The following UBTD2 variants were observed in gnomAD, a reference collection of about 807,000 sequenced individuals.
The protein encoded by UBTD2 is ubiquitin domain containing 2, also known as ubiquitin domain-containing protein 2.
A neutral mutation model predicts 19.8 loss-of-function variants in UBTD2; 9 were observed. The observed-to-expected ratio is 0.46, with a 90% CI of 0.27 to 0.79. The LOEUF is 0.79. UBTD2 is among the 30% of genes least tolerant of loss of function. The pLI is 0.14. For missense variants in UBTD2, 250 were observed against 300.4 expected, an observed-to-expected ratio of 0.83 and a Z score of 1.24; for synonymous variants, 98 against 103.9, an observed-to-expected ratio of 0.94 and a Z score of 0.35.
chr5:172,229,900 A>T (rs189897642), intron 2 of UBTD2, among the ~76,000 whole-genome samples: 86 of 152,322 alleles, frequency 5.6e-4, no homozygotes, highest in Admixed American at 1.4e-3. Flanking sequence ...TTTCACTGGT[A>T]AACTACTATA....
At chr5:172,221,510 TA>T (rs1771650168) in intron 2 of UBTD2, among the ~76,000 whole-genome samples, 2 of 151,958 alleles carry the variant, frequency 1.3e-5, no homozygotes, top group South Asian at 4.1e-4. Context: ...TATAAATAAA[TA>T]ATAAAATAAA....
At position 172,283,476 on chromosome 5, in the gene UBTD2, G is replaced by C; in HGVS notation, c.70+120C>G. ...CCGGAAGCGGAGCGCGGGGAATGAC[G>C]TGGAAGAGGGGATGACAAAGGGGCG... On this transcript the variant is annotated intron_variant, in intron 1 of 2. Transcript: ENST00000393792. This position sits in a 1 kb window ranked among gnomAD's most constrained non-coding sequence, Gnocchi z 4.3. The C allele has an allele frequency of 1.4e-6, 1 of 737,468 alleles. No individual in the cohort carries two copies. The highest frequency in any genetic ancestry group is 1.8e-6 in the Non-Finnish European group (1 of 544,602). 45.7% of individuals were successfully genotyped at this position (737,468 alleles called of 1,614,324 possible).
At chr5:172,222,613 T>C (rs555387706) in intron 2 of UBTD2, among the ~76,000 whole-genome samples, 37 of 152,164 alleles carry the variant, frequency 2.4e-4, no homozygotes, top group Non-Finnish European at 5.0e-4. Context: ...CATGGAGGAA[T>C]TCTGTAGAAA....
At chr5:172,222,698 AAATAAG>A (rs1306271607) in intron 2 of UBTD2, among the ~76,000 whole-genome samples, 2 of 152,212 alleles carry the variant, frequency 1.3e-5, no homozygotes, top group Non-Finnish European at 2.9e-5. Context: ...AATGATACGG[AAATAAG>A]AATAATTACA....
rs185320275 is a variant in UBTD2 at position 172,271,170 on chromosome 5, C to A, written c.70+12426G>T. ...CTTGGGCTGGGCGCAGTGGCTCACACCTATAATCCCAGCATTTTTGGAGGC... is the reference window on the plus strand; with the variant it reads ...CTTGGGCTGGGCGCAGTGGCTCACAACTATAATCCCAGCATTTTTGGAGGC... On this transcript the variant is annotated intron_variant, in intron 1 of 2. Coordinates refer to ENST00000393792, the MANE Select transcript of UBTD2 (RefSeq NM_152277.3). Among the ~76,000 whole-genome samples the A allele has an allele frequency of 5.4e-3, 824 of 152,190 alleles. 3 individuals carry two copies. The highest frequency in any genetic ancestry group is 6.8e-3 in the Middle Eastern group (2 of 294).
intron 2 of UBTD2, among the ~76,000 whole-genome samples, chr5:172,228,754 AAAC>A (rs1771829718): frequency 6.6e-6 from 1 of 151,994 alleles, no homozygotes; most frequent in Non-Finnish European, 1.5e-5. Context: ...AAATAAATAA[AAAC>A]AACATGAGTT....
intron 1 of UBTD2, among the ~76,000 whole-genome samples, chr5:172,271,377 C>T (rs1380425527): frequency 2.0e-5 from 3 of 149,450 alleles, no homozygotes; most frequent in Admixed American, 6.8e-5. Context: ...TGCCGTGAGC[C>T]GAGATCGCAC....
At chr5:172,218,828 A>T (rs1341408113) in intron 2 of UBTD2, among the ~76,000 whole-genome samples, 16 of 150,628 alleles carry the variant, frequency 1.1e-4, no homozygotes, top group South Asian at 2.1e-4. Flanking sequence ...AAAAATAAAA[A>T]AAATTCAACA....
intron 2 of UBTD2, among the ~76,000 whole-genome samples, chr5:172,228,697 G>A (rs1056350234): frequency 6.6e-6 from 1 of 151,804 alleles, no homozygotes; most frequent in Admixed American, 6.6e-5. Flanking sequence ...CTCCAGCCTG[G>A]GTGACAGAGC....
At chr5:172,281,433 A>C (rs1159615242) in intron 1 of UBTD2, among the ~76,000 whole-genome samples, 1 of 152,164 alleles carries the variant, frequency 6.6e-6, no homozygotes, top group African/African-American at 2.4e-5. Flanking sequence ...TGGGAGGTCA[A>C]GGCTGCAGTG....
At chr5:172,280,509 CAA>C (rs376156166) in intron 1 of UBTD2, among the ~76,000 whole-genome samples, 2 of 95,008 alleles carry the variant, frequency 2.1e-5, no homozygotes. Context: ...GACTCCATCT[CAA>C]AAAAAAAAAA....
At chr5:172,228,297 A>T (rs561672844) in intron 2 of UBTD2, among the ~76,000 whole-genome samples, 4 of 152,320 alleles carry the variant, frequency 2.6e-5, no homozygotes, top group Non-Finnish European at 5.9e-5. Flanking sequence ...CCAAGACTTG[A>T]GTTCAAATCC....
intron 1 of UBTD2, chr5:172,254,538 G>T: frequency 1.7e-6 from 1 of 597,842 alleles, no homozygotes; most frequent in Non-Finnish European, 3.0e-6. Flanking sequence ...TCCTTCCCAT[G>T]TACATTTGTA....
chr5:172,234,538 G>A (rs1051508340), intron 1 of UBTD2, among the ~76,000 whole-genome samples, 180 bp from the exon 2 acceptor site: 20 of 152,184 alleles, frequency 1.3e-4, no homozygotes, highest in African/African-American at 4.6e-4. Flanking sequence ...AAAGTGAATA[G>A]AGACATTAGA....
At chr5:172,279,423 T>C (rs1471069295) in intron 1 of UBTD2, among the ~76,000 whole-genome samples, 1 of 152,200 alleles carries the variant, frequency 6.6e-6, no homozygotes, top group Non-Finnish European at 1.5e-5. Flanking sequence ...TAGGTGTCTG[T>C]AAGGCTGCTA....
At chr5:172,280,896 T>C (rs558949269) in intron 1 of UBTD2, among the ~76,000 whole-genome samples, 1 of 152,290 alleles carries the variant, frequency 6.6e-6, no homozygotes, top group African/African-American at 2.4e-5. Flanking sequence ...GATATACACA[T>C]AATTACTTGC....
chr5:172,243,035 C>T (rs774177172), intron 1 of UBTD2, among the ~76,000 whole-genome samples: 12 of 151,792 alleles, frequency 7.9e-5, no homozygotes, highest in Admixed American at 2.6e-4. Context: ...ACTACGTTAC[C>T]GAATCTGGTC....
intron 1 of UBTD2, among the ~76,000 whole-genome samples, chr5:172,253,511 T>C (rs950058596): frequency 3.3e-5 from 5 of 151,670 alleles, no homozygotes; most frequent in African/African-American, 1.2e-4. Context: ...TGTAGTGCAG[T>C]GGCGGGATCT....
chr5:172,259,019 G>C (rs1755213979), intron 1 of UBTD2, among the ~76,000 whole-genome samples: 1 of 152,106 alleles, frequency 6.6e-6, no homozygotes, highest in Admixed American at 6.6e-5. Context: ...TCCTTGTTTT[G>C]TTCTGGTTCT....
Sources: gnomAD v4.1 joint callset for allele counts (sites outside exome capture counted in the v4.1 genomes callset) on GRCh38, gnomAD v4.1.1 for gene constraint, Gnocchi (gnomAD v3.1) non-coding constraint, MANE v1.5 for transcripts, NCBI Gene and HGNC (gene_info 2026-07-23, HGNC 2026-07-21) for gene names.